The following GALNT13 variants were observed in gnomAD, a reference collection of about 807,000 sequenced individuals.
GALNT13 encodes the protein UDP-GalNAc:polypeptide N-acetylgalactosaminyltransferase 13.
In GALNT13, 28 loss-of-function variants were observed where a neutral mutation model predicts 64.2. The observed-to-expected ratio is 0.44, with a 90% CI of 0.32 to 0.60. The LOEUF (loss-of-function observed/expected upper bound fraction) is 0.60, where lower values mean the gene tolerates loss of function less well. Among genes scored for constraint, GALNT13 ranks in the 20% least tolerant of loss-of-function variants. The pLI is 0.05. For missense variants in GALNT13, 577 were observed against 669.8 expected (o/e 0.86, Z 1.53); for synonymous variants, 214 against 224.6 (o/e 0.95, Z 0.42).
At chr2:153,544,429 T>A in the GALNT13 span, among the ~76,000 whole-genome samples, 1 of 152,208 alleles carries the variant, frequency 6.6e-6, no homozygotes, top group Non-Finnish European at 1.5e-5. Context: ...ATACAAGCAT[T>A]GCATGATGTC....
chr2:154,300,571 TTATATATA>T (rs967902534), intron 8 of GALNT13, among the ~76,000 whole-genome samples: 1 of 150,962 alleles, frequency 6.6e-6, no homozygotes, highest in African/African-American at 2.4e-5. Flanking sequence ...AGCATATATG[TTATATATA>T]TATATAATTG....
chr2:154,170,828 A>G (rs984549995), intron 4 of GALNT13, among the ~76,000 whole-genome samples: 18 of 152,320 alleles, frequency 1.2e-4, no homozygotes, highest in African/African-American at 4.1e-4. Flanking sequence ...TAGAATTCCA[A>G]CATGAAAATA....
intron 4 of GALNT13, among the ~76,000 whole-genome samples, chr2:154,153,207 C>G (rs1036085936): frequency 6.6e-6 from 1 of 152,196 alleles, no homozygotes; most frequent in South Asian, 2.1e-4. Flanking sequence ...TCCAGACCCT[C>G]TTTGCCTGGG....
intron 3 of GALNT13, among the ~76,000 whole-genome samples, chr2:154,007,021 C>T (rs1437089460): frequency 6.6e-6 from 1 of 152,160 alleles, no homozygotes. Flanking sequence ...GTATTAAGGT[C>T]CCAAATCAGC....
the GALNT13 span, among the ~76,000 whole-genome samples, chr2:153,675,460 C>T: frequency 6.6e-5 from 10 of 152,030 alleles, no homozygotes; most frequent in South Asian, 2.1e-4. Context: ...AACCAAACAC[C>T]GCATGTTCTC....
the GALNT13 span, among the ~76,000 whole-genome samples, chr2:153,425,047 T>G: frequency 6.6e-6 from 1 of 151,776 alleles, no homozygotes; most frequent in African/African-American, 2.4e-5. Context: ...TATGTAAAAT[T>G]TTATACATGA....
chr2:153,945,857 C>G (rs187566524), intron 3 of GALNT13, among the ~76,000 whole-genome samples: 66 of 152,230 alleles, frequency 4.3e-4, no homozygotes, highest in Admixed American at 8.5e-4. Context: ...TCTTCTGAAT[C>G]GCTTCCTTGT....
intron 4 of GALNT13, among the ~76,000 whole-genome samples, chr2:154,224,938 C>G (rs1004857582): frequency 6.6e-6 from 1 of 151,978 alleles, no homozygotes; most frequent in African/African-American, 2.4e-5. Context: ...AAACGTCAAA[C>G]TGATAGAAAA....
At chr2:154,389,624 T>A (rs1002981447) in intron 9 of GALNT13, among the ~76,000 whole-genome samples, 3 of 152,138 alleles carry the variant, frequency 2.0e-5, no homozygotes, top group African/African-American at 4.8e-5. Flanking sequence ...CTGAAATAAT[T>A]ATTATCATTG....
the GALNT13 span, among the ~76,000 whole-genome samples, chr2:153,640,079 T>G: frequency 9.9e-5 from 15 of 152,082 alleles, no homozygotes; most frequent in Non-Finnish European, 7.4e-5. Context: ...AGGCCTGACT[T>G]GACCTAGTAA....
chr2:153,290,703 A>G, the GALNT13 span, among the ~76,000 whole-genome samples: 79,941 of 152,058 alleles, frequency 0.53, 21,746 homozygotes, highest in Middle Eastern at 0.65. Context: ...AAAAATTCCT[A>G]CATATTATCC....
chr2:154,166,263 A>G (rs111971692), intron 4 of GALNT13, among the ~76,000 whole-genome samples: 22,078 of 152,060 alleles, frequency 0.15, 1,853 homozygotes, highest in Middle Eastern at 0.22. Context: ...AAATTAGCTC[A>G]GTGTGGTGGC....
chr2:154,283,682 T>TAC (rs200698636), intron 8 of GALNT13, among the ~76,000 whole-genome samples: 50 of 151,382 alleles, frequency 3.3e-4, no homozygotes, highest in Admixed American at 5.9e-4. Context: ...ATATACAAAA[T>TAC]ACACACACAC....
chr2:153,530,626 T>C, the GALNT13 span, among the ~76,000 whole-genome samples: 1 of 151,820 alleles, frequency 6.6e-6, no homozygotes, highest in African/African-American at 2.4e-5. Flanking sequence ...AATTATACTA[T>C]GGAGTTGTAG....
At chr2:153,171,012 T>C in the GALNT13 span, among the ~76,000 whole-genome samples, 2 of 152,368 alleles carry the variant, frequency 1.3e-5, no homozygotes, top group East Asian at 3.9e-4. Context: ...ACACTTTTGT[T>C]TGTCTACTCA....
At chr2:154,184,617 T>G (rs1268059260) in intron 4 of GALNT13, among the ~76,000 whole-genome samples, 1 of 152,106 alleles carries the variant, frequency 6.6e-6, no homozygotes, top group Non-Finnish European at 1.5e-5. Flanking sequence ...CTGGGTAATT[T>G]GTAAAGAAAA....
chr2:153,107,361 T>C, the GALNT13 span, among the ~76,000 whole-genome samples: 5 of 152,184 alleles, frequency 3.3e-5, no homozygotes, highest in African/African-American at 1.2e-4. Context: ...TGATGTATGT[T>C]AAAATGTGTG....
At chr2:153,596,034 A>T in the GALNT13 span, among the ~76,000 whole-genome samples, 4 of 152,330 alleles carry the variant, frequency 2.6e-5, no homozygotes, top group Admixed American at 2.6e-4. Context: ...GTATATGACC[A>T]TCTGAAGGCT....
At chr2:154,305,249 C>T (rs1240096773) in intron 9 of GALNT13, among the ~76,000 whole-genome samples, 1 of 151,948 alleles carries the variant, frequency 6.6e-6, no homozygotes, top group Non-Finnish European at 1.5e-5. Flanking sequence ...TTTTGATTTT[C>T]TGTTTTTCAT....
Sources: gnomAD v4.1 joint callset for allele counts (sites outside exome capture counted in the v4.1 genomes callset) on GRCh38, gnomAD v4.1.1 for gene constraint, MANE v1.5 for transcripts, NCBI Gene and HGNC (gene_info 2026-07-23, HGNC 2026-07-21) for gene names.